Variants in PRKN observed in about 807,000 individuals in gnomAD.
PRKN encodes E3 ubiquitin-protein ligase parkin.
In PRKN, 56 loss-of-function variants were observed where a neutral mutation model predicts 59.5. That is an observed-to-expected ratio of 0.94 (90% CI 0.76 to 1.18). PRKN has a LOEUF of 1.18. PRKN is among the 50% of genes most tolerant of loss of function. The pLI is 0.00. For synonymous variants in PRKN, 250 were observed against 222.1 expected, an observed-to-expected ratio of 1.13 and a Z score of -1.12; for missense variants, 657 against 596.4, an observed-to-expected ratio of 1.10 and a Z score of -1.06.
At chr6:162,074,899 C>T (rs117700738) in intron 4 of PRKN, among the ~76,000 whole-genome samples, 7,529 of 152,260 alleles carry the variant, frequency 0.049, 251 homozygotes, top group Non-Finnish European at 0.074. Context: ...GCTGTAGGTA[C>T]ATCACAGGGA....
At chr6:162,436,672 A>C (rs1789786892) in intron 2 of PRKN, among the ~76,000 whole-genome samples, 1 of 120,488 alleles carries the variant, frequency 8.3e-6, no homozygotes, top group Non-Finnish European at 1.7e-5. Context: ...AACTATGTAC[A>C]ACTGGAGTAC....
chr6:161,650,622 C>T (rs1784118142), intron 7 of PRKN, among the ~76,000 whole-genome samples: 1 of 152,180 alleles, frequency 6.6e-6, no homozygotes, highest in East Asian at 1.9e-4. Context: ...ATCCACATCA[C>T]TTTACTTAAC....
At chr6:162,032,826 T>G (rs1309847006) in intron 5 of PRKN, among the ~76,000 whole-genome samples, 1 of 152,150 alleles carries the variant, frequency 6.6e-6, no homozygotes, top group Non-Finnish European at 1.5e-5. Flanking sequence ...GGTATCCTCA[T>G]CACTCTTCCA....
chr6:162,515,765 A>G (rs1777826983), intron 1 of PRKN, among the ~76,000 whole-genome samples: 1 of 152,058 alleles, frequency 6.6e-6, no homozygotes, highest in Non-Finnish European at 1.5e-5. Context: ...TCATGGAGTT[A>G]TTAAACAAAT....
At chr6:161,841,226 A>G (rs539126181) in intron 6 of PRKN, among the ~76,000 whole-genome samples, 1 of 152,342 alleles carries the variant, frequency 6.6e-6, no homozygotes, top group South Asian at 2.1e-4. Context: ...GGTGCACAGC[A>G]AGAGGGTGAG....
chr6:162,222,291 C>T (rs970593929), intron 3 of PRKN, among the ~76,000 whole-genome samples: 2 of 152,208 alleles, frequency 1.3e-5, no homozygotes, highest in Non-Finnish European at 2.9e-5. Context: ...GGTCAGAAAT[C>T]GGTTGATTTT....
At chr6:162,697,591 C>T (rs1276261324) in intron 1 of PRKN, among the ~76,000 whole-genome samples, 1 of 152,138 alleles carries the variant, frequency 6.6e-6, no homozygotes, top group Non-Finnish European at 1.5e-5. Context: ...TATAGGCTAA[C>T]AGACTCAGTG....
At chr6:162,004,758 G>A (rs1011767174) in intron 5 of PRKN, among the ~76,000 whole-genome samples, 5 of 152,150 alleles carry the variant, frequency 3.3e-5, no homozygotes, top group Non-Finnish European at 7.3e-5. Flanking sequence ...CCCCTGTGAT[G>A]AGCAACAGCT....
At chr6:161,422,010 C>T (rs540949157) in intron 9 of PRKN, among the ~76,000 whole-genome samples, 4 of 151,980 alleles carry the variant, frequency 2.6e-5, no homozygotes, top group East Asian at 1.9e-4. Context: ...TTCTGTTTAA[C>T]GAGTTATCAT....
At chr6:161,826,557 C>A (rs1562320324) in intron 6 of PRKN, among the ~76,000 whole-genome samples, 1 of 152,152 alleles carries the variant, frequency 6.6e-6, no homozygotes, top group Non-Finnish European at 1.5e-5. Flanking sequence ...TTATCCATTG[C>A]CATTTTTCTC....
rs1786762952 is a variant in PRKN at position 161,396,439 on chromosome 6, G to T, written c.1084-9562C>A. ...AGCATTTCTCAGACCTTATGGAGCA[G>T]TTGGCTCCTTCTAGAACTGGAGCAC... is the stretch of plus-strand genomic sequence containing the variant. On this transcript the variant is annotated intron_variant, in intron 9 of 11. Transcript: ENST00000366898. The surrounding 1 kb of genome is among the most constrained non-coding windows in gnomAD (Gnocchi z 5.4). 6.6e-6 allele frequency among the ~76,000 whole-genome samples: 1 copy of T among 152,146 alleles called. No individual in the cohort carries two copies. Among genetic ancestry groups the T allele is most frequent in the Non-Finnish European group, 1.5e-5 (1 of 68,028 alleles).
At chr6:161,765,824 C>T (rs2128200287) in intron 7 of PRKN, among the ~76,000 whole-genome samples, 1 of 152,250 alleles carries the variant, frequency 6.6e-6, no homozygotes, top group East Asian at 1.9e-4. Context: ...ACCAAGATCA[C>T]TGATTTTGTT....
rs1448377110 is a variant in PRKN, at chr6:161,440,189, G to A, written c.1084-53312C>T. On this transcript the variant is annotated intron_variant, in intron 9 of 11. Coordinates refer to ENST00000366898, the MANE Select transcript of PRKN (RefSeq NM_004562.3). This position sits in a 1 kb window ranked among gnomAD's most constrained non-coding sequence, Gnocchi z 4.1. Reference sequence around the variant, plus strand: ...AGGATGCTCTCCATCTCCTGACCTCGTGATCCGCCCGTCTCGGCCTCCCAA... The same window carrying A: ...AGGATGCTCTCCATCTCCTGACCTCATGATCCGCCCGTCTCGGCCTCCCAA... 2.6e-5 allele frequency among the ~76,000 whole-genome samples: 4 copies of A among 151,972 alleles called. No individual in the cohort carries two copies. The highest frequency in any genetic ancestry group is 5.9e-5 in the Non-Finnish European group (4 of 67,986).
At chr6:162,396,645 T>G (rs544279788) in intron 2 of PRKN, among the ~76,000 whole-genome samples, 2 of 152,280 alleles carry the variant, frequency 1.3e-5, no homozygotes, top group East Asian at 3.9e-4. Flanking sequence ...TTTGTTGTTG[T>G]GTAAAGCCAC....
At position 162,397,600 on chromosome 6, in the gene PRKN, C is replaced by T. The variant is rs554256964; in HGVS notation, c.171+45710G>A. The stretch of plus-strand genomic sequence containing the variant: ...CAACTATAATAAATGAAAAGCTAAA[C>T]GCTCCAATCCATGAGCTCTTCCAGC... On this transcript the variant is annotated intron_variant, in intron 2 of 11. Transcript: ENST00000366898. 4.6e-5 allele frequency among the ~76,000 whole-genome samples: 7 copies of T among 152,180 alleles called. No homozygotes were observed. In the East Asian group the frequency reaches 5.8e-4, roughly 13 times the overall value.
At chr6:162,118,773 G>A (rs1337118650) in intron 4 of PRKN, among the ~76,000 whole-genome samples, 1 of 152,184 alleles carries the variant, frequency 6.6e-6, no homozygotes, top group East Asian at 1.9e-4. Flanking sequence ...TGAATAACTT[G>A]GAACTCCTAT....
At chr6:162,658,661 A>G (rs1344643292) in intron 1 of PRKN, among the ~76,000 whole-genome samples, 1 of 21,398 alleles carries the variant, frequency 4.7e-5, no homozygotes, top group African/African-American at 2.1e-4. Flanking sequence ...ACTCTGTCAA[A>G]AAAAAAAAAA....
intron 6 of PRKN, among the ~76,000 whole-genome samples, chr6:161,869,190 C>A (rs924369626): frequency 6.6e-5 from 10 of 152,060 alleles, no homozygotes; most frequent in African/African-American, 2.4e-4. Flanking sequence ...ACCAGCCTGG[C>A]CAACATGACG....
In PRKN at chr6:161,546,744, A is replaced by G. The variant is rs530941627; in HGVS notation, c.1083+2110T>C. On this transcript the variant is annotated intron_variant, in intron 9 of 11. Coordinates refer to ENST00000366898, the MANE Select transcript of PRKN (RefSeq NM_004562.3). This position sits in a 1 kb window ranked among gnomAD's most constrained non-coding sequence, Gnocchi z 4.4. ...ACTTCTAATGAATAAAGTGAGAGTG[A>G]CAGGTGCAGCTTTGGGGATTTGGTC... is the stretch of plus-strand genomic sequence containing the variant. Among the ~76,000 whole-genome samples the G allele has an allele frequency of 1.3e-5, 2 of 152,174 alleles. No individual in the cohort carries two copies. Among genetic ancestry groups the G allele is most frequent in the South Asian group, 2.1e-4 (1 of 4,808 alleles).
Sources: allele counts gnomAD v4.1 joint callset (sites outside exome capture counted in the v4.1 genomes callset), GRCh38; gene constraint gnomAD v4.1.1; non-coding constraint Gnocchi (gnomAD v3.1); transcripts MANE v1.5; gene names NCBI Gene and HGNC (gene_info 2026-07-23, HGNC 2026-07-21).